Variants in SNRPN observed in about 807,000 individuals in gnomAD.
SNRPN encodes small nuclear ribonucleoprotein-associated protein N.
SNRPN carries 7 observed loss-of-function variants against 25.2 expected under a neutral mutation model. The ratio of observed to expected loss-of-function variants is 0.28; its 90% CI spans 0.16 to 0.52. The LOEUF (loss-of-function observed/expected upper bound fraction) is 0.52, where lower values mean the gene tolerates loss of function less well. Among genes scored for constraint, SNRPN ranks in the 20% least tolerant of loss-of-function variants. The pLI is 0.96. For synonymous variants in SNRPN, 124 were observed against 110.6 expected (o/e 1.12, Z -0.76); for missense variants, 196 against 322.5 (o/e 0.61, Z 3.00).
chr15:24,858,330 G>A (rs1372320512), intron 1 of SNRPN, among the ~76,000 whole-genome samples: 1 of 152,162 alleles, frequency 6.6e-6, no homozygotes, highest in Admixed American at 6.5e-5. Flanking sequence ...GAGGTTAGAA[G>A]CAAGATGGAG....
intron 1 of SNRPN, among the ~76,000 whole-genome samples, chr15:24,861,366 A>G (rs1417981779): frequency 6.6e-6 from 1 of 152,234 alleles, no homozygotes; most frequent in African/African-American, 2.4e-5. Context: ...AATGATAAGT[A>G]TTTAAACATG....
At chr15:24,932,159 G>A (rs2060914838) in intron 3 of SNRPN, among the ~76,000 whole-genome samples, 1 of 152,146 alleles carries the variant, frequency 6.6e-6, no homozygotes, top group Admixed American at 6.6e-5. Flanking sequence ...AGTCAACCAG[G>A]GGATATGGCC....
At chr15:24,890,096 A>G (rs2057550572) in intron 2 of SNRPN, among the ~76,000 whole-genome samples, 2 of 151,518 alleles carry the variant, frequency 1.3e-5, no homozygotes, top group Non-Finnish European at 1.5e-5. Context: ...GCCCTGGCAT[A>G]CTGAGTATTT....
rs189288393 is a variant in SNRPN at position 24,848,604 on chromosome 15, A to G, written c.-579+18699A>G. The G allele has an allele frequency of 1.3e-3, 195 of 152,252 alleles. 1 individual carries two copies. The highest frequency in any genetic ancestry group is 4.0e-3 in the African/African-American group (167 of 41,574). 9.4% of individuals were successfully genotyped at this position (152,252 alleles called of 1,614,324 possible). A position where few individuals can be genotyped will look rare whatever the true frequency, so the allele number is the denominator to read the frequency against. ...CCATGATTTTATATTCTTCCTTTTC[A>G]GTATTAATAACTTCAATGTCTTTTT... On this transcript the variant is annotated intron_variant, in intron 2 of 12. Transcript: ENST00000400100.
At chr15:24,870,467 T>G (rs2054988541) in intron 1 of SNRPN, among the ~76,000 whole-genome samples, 1 of 152,188 alleles carries the variant, frequency 6.6e-6, no homozygotes, top group African/African-American at 2.4e-5. Context: ...TAATATAACT[T>G]GAATCAATCT....
At position 24,878,004 on chromosome 15, in the gene SNRPN, T is replaced by C. The variant is rs564243158; in HGVS notation, c.-578-8512T>C. Reference sequence around the variant, plus strand: ...CACTTACAAACATGCATGTACACGATTGTGTTACCATGGACAAACACATAA... The same window carrying C: ...CACTTACAAACATGCATGTACACGACTGTGTTACCATGGACAAACACATAA... On this transcript the variant is annotated intron_variant, in intron 1 of 11. Coordinates refer to the SNRPN transcript ENST00000400097. Among the ~76,000 whole-genome samples the C allele has an allele frequency of 3.9e-5, 6 of 152,302 alleles. No individual in the cohort carries two copies. In the South Asian group the frequency reaches 8.3e-4, roughly 21 times the overall value.
Position 24,871,862 on chromosome 15 carries a change from G to A in SNRPN, c.-578-14654G>A, listed in dbSNP as rs796584711. ...TGGGACTACAGGCGCCCACCACCAC[G>A]CCTGGCTAATTTTTTTGTACTTTTA... On this transcript the variant is annotated intron_variant, in intron 1 of 11. Coordinates refer to the SNRPN transcript ENST00000400097. 3.3e-5 allele frequency among the ~76,000 whole-genome samples: 4 copies of A among 119,468 alleles called. 1 individual carries two copies. The highest frequency in any genetic ancestry group is 8.6e-5 in the African/African-American group (3 of 35,072). The allele number at this position is 119,468 out of a possible 152,430, so 78.4% of individuals were successfully genotyped here.
At chr15:24,848,228 CGGTGGGGGCGGG>C (rs1269643587) in intron 2 of SNRPN, 58 of 21,432 alleles carry the variant, frequency 2.7e-3, no homozygotes, top group African/African-American at 8.4e-3. Flanking sequence ...GCGGGGGCGG[CGGTGGGGGCGGG>C]GGCGGCGGCG....
intron 2 of SNRPN, chr15:24,849,930 T>C (rs2052656723): frequency 6.6e-6 from 1 of 152,252 alleles, no homozygotes; most frequent in Non-Finnish European, 1.5e-5. Flanking sequence ...ATAATGAACG[T>C]AATTCATAAG....
chr15:24,836,497 T>C, intron 2 of SNRPN, among the ~76,000 whole-genome samples: 1 of 151,996 alleles, frequency 6.6e-6, no homozygotes, highest in South Asian at 2.1e-4. Context: ...CCACAAACTC[T>C]GCGTCCCGTT....
intron 4 of SNRPN, 80 bp downstream of exon 4, chr15:24,974,536 T>C (rs2076839465): frequency 1.5e-6 from 2 of 1,342,886 alleles, no homozygotes; most frequent in African/African-American, 1.4e-5. Context: ...TGCAGTGATC[T>C]TGGGTTCTGA....
At chr15:24,879,597 A>G (rs1300455050) in intron 1 of SNRPN, among the ~76,000 whole-genome samples, 1 of 152,224 alleles carries the variant, frequency 6.6e-6, no homozygotes, top group Non-Finnish European at 1.5e-5. Flanking sequence ...GTGAATACAA[A>G]ACCAGTCTTC....
chr15:24,891,820 T>C (rs2057702864), intron 2 of SNRPN, among the ~76,000 whole-genome samples: 2 of 152,210 alleles, frequency 1.3e-5, no homozygotes, highest in African/African-American at 2.4e-5. Flanking sequence ...GAGACATACA[T>C]AAACATACAG....
At chr15:24,959,880 C>T (rs2074486053) in intron 1 of SNRPN, among the ~76,000 whole-genome samples, 1 of 152,182 alleles carries the variant, frequency 6.6e-6, no homozygotes, top group Non-Finnish European at 1.5e-5. Context: ...CAAGGTTTTA[C>T]TTAGCCCTCG....
At chr15:24,901,725 A>G (rs1480022380) in intron 2 of SNRPN, among the ~76,000 whole-genome samples, 1 of 152,228 alleles carries the variant, frequency 6.6e-6, no homozygotes, top group African/African-American at 2.4e-5. Flanking sequence ...CAACATAAGG[A>G]GTCAACATCA....
intron 1 of SNRPN, among the ~76,000 whole-genome samples, chr15:24,829,541 C>T (rs140157874): frequency 6.6e-6 from 1 of 152,048 alleles, no homozygotes; most frequent in Non-Finnish European, 1.5e-5. Flanking sequence ...GTGAGGGTGC[C>T]GGGCAGCTCA....
intron 2 of SNRPN, among the ~76,000 whole-genome samples, chr15:24,914,518 C>A (rs773450166): frequency 1.3e-5 from 2 of 151,682 alleles, no homozygotes; most frequent in Non-Finnish European, 2.9e-5. Flanking sequence ...GGCAACATAG[C>A]GGGATAGTGA....
chr15:24,865,800 G>A (rs1414300110), intron 1 of SNRPN, among the ~76,000 whole-genome samples: 1 of 151,972 alleles, frequency 6.6e-6, no homozygotes, highest in Non-Finnish European at 1.5e-5. Context: ...TATGAATGCT[G>A]GTCAGTTGTT....
chr15:24,944,968 G>A (rs1311397556), intron 3 of SNRPN, among the ~76,000 whole-genome samples: 1 of 152,092 alleles, frequency 6.6e-6, no homozygotes, highest in Non-Finnish European at 1.5e-5. Context: ...TATTAAAGAA[G>A]GTATCTGCTT....
Sources: allele counts gnomAD v4.1 joint callset (sites outside exome capture counted in the v4.1 genomes callset), GRCh38; gene constraint gnomAD v4.1.1; transcripts MANE v1.5; gene names NCBI Gene and HGNC (gene_info 2026-07-23, HGNC 2026-07-21).